The following PCDH15 variants were observed in gnomAD, a reference collection of about 807,000 sequenced individuals.
PCDH15 encodes protocadherin-15.
PCDH15 carries 129 observed loss-of-function variants against 178.5 expected under a neutral mutation model. That is an observed-to-expected ratio of 0.72 (90% CI 0.63 to 0.84). PCDH15 has a LOEUF of 0.84. Ranked by LOEUF, PCDH15 falls within the 40% of genes least tolerant of loss-of-function variation. The pLI is 0.00. For missense variants in PCDH15, 2,230 were observed against 2,099.9 expected, an observed-to-expected ratio of 1.06 and a Z score of -1.21; for synonymous variants, 800 against 732.0, an observed-to-expected ratio of 1.09 and a Z score of -1.50.
intron 26 of PCDH15, among the ~76,000 whole-genome samples, chr10:53,892,020 GTTTT>G (rs869122093): frequency 1.1e-5 from 1 of 91,864 alleles, no homozygotes; most frequent in African/African-American, 4.3e-5. Context: ...TTACATCTAT[GTTTT>G]TTTTTTTTTT....
At chr10:54,203,039 C>T (rs1222474372) in intron 10 of PCDH15, among the ~76,000 whole-genome samples, 1 of 152,016 alleles carries the variant, frequency 6.6e-6, no homozygotes, top group Non-Finnish European at 1.5e-5. Context: ...TTGGTTAGCC[C>T]TATTGGTTAG....
At chr10:53,809,799 T>TTTAA (rs1388981387) in intron 37 of PCDH15, among the ~76,000 whole-genome samples, 1 of 152,222 alleles carries the variant, frequency 6.6e-6, no homozygotes, top group African/African-American at 2.4e-5. Flanking sequence ...TTACTCAACG[T>TTTAA]TTAATTTTCC....
intron 2 of PCDH15, among the ~76,000 whole-genome samples, chr10:54,946,215 G>C (rs376135518): frequency 6.6e-6 from 1 of 151,938 alleles, no homozygotes. Flanking sequence ...ATAGATGAGA[G>C]ATATCACAGC....
intron 8 of PCDH15, among the ~76,000 whole-genome samples, chr10:54,307,371 T>C (rs1332574245): frequency 6.6e-6 from 1 of 151,084 alleles, no homozygotes; most frequent in African/African-American, 2.4e-5. Flanking sequence ...AACAGCACAA[T>C]TGCCAAATTT....
intron 2 of PCDH15, among the ~76,000 whole-genome samples, chr10:55,421,778 T>G (rs1838627505): frequency 6.6e-6 from 1 of 151,254 alleles, no homozygotes; most frequent in South Asian, 2.1e-4. Context: ...GAATCATATT[T>G]TCTGACAAAT....
chr10:54,050,610 G>T (rs536039812), intron 18 of PCDH15, among the ~76,000 whole-genome samples: 57 of 151,536 alleles, frequency 3.8e-4, no homozygotes, highest in East Asian at 2.7e-3. Flanking sequence ...GACATAAGGG[G>T]TTTTGTTTGT....
At chr10:55,620,989 T>C (rs1843579616) in intron 2 of PCDH15, among the ~76,000 whole-genome samples, 1 of 151,808 alleles carries the variant, frequency 6.6e-6, no homozygotes. Flanking sequence ...ATTTAATACA[T>C]AATGCATTAG....
chr10:54,590,107 A>C (rs958538514), intron 2 of PCDH15, among the ~76,000 whole-genome samples: 4 of 152,178 alleles, frequency 2.6e-5, no homozygotes, highest in Admixed American at 6.6e-5. Context: ...CTCCAGATTA[A>C]AGTGTTATTA....
chr10:54,736,756 G>A (rs1464273738), intron 1 of PCDH15, among the ~76,000 whole-genome samples: 2 of 151,948 alleles, frequency 1.3e-5, no homozygotes, highest in Admixed American at 6.6e-5. Context: ...AACTTTAGGC[G>A]AAAATTCATG....
chr10:55,587,319 A>G (rs544367610), intron 2 of PCDH15, among the ~76,000 whole-genome samples: 48 of 152,268 alleles, frequency 3.2e-4, no homozygotes, highest in African/African-American at 1.0e-3. Flanking sequence ...TCTATTTAAA[A>G]TCAACATTAA....
At chr10:55,271,268 A>C (rs1397912634) in intron 1 of PCDH15, among the ~76,000 whole-genome samples, 1 of 152,116 alleles carries the variant, frequency 6.6e-6, no homozygotes, top group Admixed American at 6.6e-5. Flanking sequence ...TTGAATTTTA[A>C]AAAAGACAAA....
At position 54,796,254 on chromosome 10, in the gene PCDH15, C is replaced by CTATG. The variant is rs1564481426; in HGVS notation, c.-29+4670_-29+4671insCATA. ...TCTATCTATCTATCTATCTATCTAT[C>CTATG]TATCTATCTATCTATCTATGTATCT... On this transcript the variant is annotated intron_variant, in intron 1 of 37. Transcript: ENST00000644397. Among the ~76,000 whole-genome samples the CTATG allele has an allele frequency of 6.5e-5, 7 of 107,772 alleles. No individual in the cohort carries two copies. In the South Asian group the frequency reaches 1.8e-3, roughly 28 times the overall value. The allele number at this position is 107,772 out of a possible 152,430, so 70.7% of individuals were successfully genotyped here. A position where few individuals can be genotyped will look rare whatever the true frequency, so the allele number is the denominator to read the frequency against.
intron 13 of PCDH15, among the ~76,000 whole-genome samples, chr10:54,166,525 A>T (rs894393815): frequency 6.6e-6 from 1 of 152,218 alleles, no homozygotes; most frequent in Non-Finnish European, 1.5e-5. Context: ...TTCCTTTGCC[A>T]AACTGGATGA....
At chr10:54,529,961 G>T (rs532430290) in intron 2 of PCDH15, among the ~76,000 whole-genome samples, 1 of 151,978 alleles carries the variant, frequency 6.6e-6, no homozygotes, top group South Asian at 2.1e-4. Flanking sequence ...AATACCTACT[G>T]AAAATAGATA....
At chr10:55,481,204 G>T (rs531443990) in intron 2 of PCDH15, among the ~76,000 whole-genome samples, 1 of 151,598 alleles carries the variant, frequency 6.6e-6, no homozygotes, top group Non-Finnish European at 1.5e-5. Flanking sequence ...ATTTCTGATT[G>T]TATTTATTTG....
At chr10:54,221,213 G>A (rs978468840) in intron 9 of PCDH15, among the ~76,000 whole-genome samples, 1 of 152,104 alleles carries the variant, frequency 6.6e-6, no homozygotes, top group African/African-American at 2.4e-5. Context: ...AACATAATTA[G>A]TGGTTGCCAA....
chr10:55,568,642 G>A (rs1842349999), intron 2 of PCDH15, among the ~76,000 whole-genome samples: 2 of 152,124 alleles, frequency 1.3e-5, no homozygotes, highest in South Asian at 4.1e-4. Flanking sequence ...AATTTGACAT[G>A]TTATCGGGAC....
At chr10:54,989,441 G>A (rs567237266) in intron 2 of PCDH15, among the ~76,000 whole-genome samples, 1 of 152,288 alleles carries the variant, frequency 6.6e-6, no homozygotes, top group African/African-American at 2.4e-5. Context: ...GAAGGCAGGA[G>A]GCTACATCCT....
At chr10:54,910,928 G>T (rs1431092572) in intron 2 of PCDH15, among the ~76,000 whole-genome samples, 1 of 152,150 alleles carries the variant, frequency 6.6e-6, no homozygotes, top group African/African-American at 2.4e-5. Context: ...TGGGACAGTG[G>T]AAACCATAAT....
Sources: gnomAD v4.1 joint callset for allele counts (sites outside exome capture counted in the v4.1 genomes callset) on GRCh38, gnomAD v4.1.1 for gene constraint, MANE v1.5 for transcripts, NCBI Gene and HGNC (gene_info 2026-07-23, HGNC 2026-07-21) for gene names.